Variants in JAKMIP3 observed in about 807,000 individuals in gnomAD.
The protein encoded by JAKMIP3 is janus kinase and microtubule-interacting protein 3.
Under a neutral mutation model 118.5 loss-of-function variants are expected in JAKMIP3, and 58 were observed. The observed-to-expected ratio is 0.49, with a 90% CI of 0.40 to 0.61. The LOEUF is 0.61. Ranked by LOEUF, JAKMIP3 falls within the 20% of genes least tolerant of loss-of-function variation. The pLI, the probability that JAKMIP3 is intolerant of heterozygous loss-of-function variation, is 0.00. For missense variants in JAKMIP3, 950 were observed against 1,109.0 expected (o/e 0.86, Z 2.04); for synonymous variants, 486 against 451.2 (o/e 1.08, Z -0.98).
chr10:132,058,335 G>A (rs1049428348), intron 1 of JAKMIP3, among the ~76,000 whole-genome samples: 1 of 152,246 alleles, frequency 6.6e-6, no homozygotes, highest in African/African-American at 2.4e-5. Context: ...AGCCCCTGCT[G>A]CAGCCCAAAT....
At chr10:132,171,128 G>T (rs1017199767) in intron 23 of JAKMIP3, among the ~76,000 whole-genome samples, 1 of 152,246 alleles carries the variant, frequency 6.6e-6, no homozygotes. Flanking sequence ...AGGCTCCCTT[G>T]GGGGAGGTTA....
chr10:132,180,484 C>T (rs951872675), intron 23 of JAKMIP3, among the ~76,000 whole-genome samples: 2 of 10,674 alleles, frequency 1.9e-4, no homozygotes, highest in Non-Finnish European at 3.8e-4. Context: ...TGGGGTAGGG[C>T]GGGAGGGATT....
intron 19 of JAKMIP3, among the ~76,000 whole-genome samples, chr10:132,158,423 G>A (rs2057351107): frequency 6.6e-6 from 1 of 152,216 alleles, no homozygotes; most frequent in African/African-American, 2.4e-5. Flanking sequence ...GAAGATCAAA[G>A]CCCAGCTTCA....
chr10:132,128,335 T>C (rs1028266906), intron 3 of JAKMIP3, among the ~76,000 whole-genome samples: 1 of 152,236 alleles, frequency 6.6e-6, no homozygotes, highest in African/African-American at 2.4e-5. Flanking sequence ...TTTAAGATAT[T>C]CTCTTTAACT....
At chr10:132,045,536 G>C (rs931890233) in intron 1 of JAKMIP3, among the ~76,000 whole-genome samples, 11 of 152,120 alleles carry the variant, frequency 7.2e-5, no homozygotes, top group Non-Finnish European at 1.3e-4. Flanking sequence ...GAGAGCCCGC[G>C]GTGTGAGCTG....
chr10:132,136,972 G>C, intron 6 of JAKMIP3, 47 bp from the exon 7 acceptor site: 1 of 1,596,556 alleles, frequency 6.3e-7, no homozygotes, highest in Non-Finnish European at 8.5e-7. Flanking sequence ...TGTTCAGCCA[G>C]ACCCCTTCAC....
At position 132,153,038 on chromosome 10, in the gene JAKMIP3, G is replaced by T; in HGVS notation, c.2073+15G>T. 1 of 1,600,166 alleles carries T rather than the reference G, an allele frequency of 6.2e-7. No individual in the cohort carries two copies. The highest frequency in any genetic ancestry group is 1.7e-5 in the Admixed American group (1 of 58,526). ...TGGCCGAAAAGGTAACAGCAGCTGT[G>T]TGGACAGTCGGGAGAGGGCCGGGCT... On this transcript the variant is annotated intron_variant, in intron 17 of 23. Coordinates refer to ENST00000684848, the MANE Select transcript of JAKMIP3 (RefSeq NM_001323087.2).
chr10:132,173,045 CT>C (rs1565005458), intron 23 of JAKMIP3, among the ~76,000 whole-genome samples: 1 of 4,220 alleles, frequency 2.4e-4, no homozygotes, highest in African/African-American at 1.1e-3. Context: ...CTCTCTCTCC[CT>C]CTCTCTCTCC....
intron 1 of JAKMIP3, among the ~76,000 whole-genome samples, chr10:132,050,845 A>G (rs983940275): frequency 1.3e-5 from 2 of 152,386 alleles, no homozygotes; most frequent in African/African-American, 4.8e-5. Context: ...AACATCTGGC[A>G]TGGTTGGTCT....
At chr10:132,174,004 T>C (rs534082579) in intron 23 of JAKMIP3, among the ~76,000 whole-genome samples, 75 of 150,932 alleles carry the variant, frequency 5.0e-4, no homozygotes, top group African/African-American at 1.7e-3. Context: ...TCTGTGGTAG[T>C]GTGTGGTGTG....
chr10:132,178,390 T>C (rs1270379830), intron 23 of JAKMIP3, among the ~76,000 whole-genome samples: 1 of 152,218 alleles, frequency 6.6e-6, no homozygotes, highest in East Asian at 1.9e-4. Flanking sequence ...AGCCTGTGTC[T>C]GGGTAAGGTC....
Position 132,118,189 on chromosome 10 carries a change from A to C in JAKMIP3, c.633+615A>C, listed in dbSNP as rs994070605. Reference sequence around the variant, plus strand: ...GATGAGCTGCCGGTTTTGTGGATCAATGAGGTCTAACGTTGGCATCTGGTG... The same window carrying C: ...GATGAGCTGCCGGTTTTGTGGATCACTGAGGTCTAACGTTGGCATCTGGTG... On this transcript the variant is annotated intron_variant, in intron 3 of 23. Coordinates refer to ENST00000684848, the MANE Select transcript of JAKMIP3 (RefSeq NM_001323087.2). This position sits in a 1 kb window ranked among gnomAD's most constrained non-coding sequence, Gnocchi z 4.8. 2.6e-5 allele frequency among the ~76,000 whole-genome samples: 4 copies of C among 152,136 alleles called. No homozygotes were observed. The highest frequency in any genetic ancestry group is 5.9e-5 in the Non-Finnish European group (4 of 68,030).
intron 1 of JAKMIP3, among the ~76,000 whole-genome samples, chr10:132,040,620 T>G (rs9419318): frequency 0.13 from 19,173 of 150,584 alleles, 1,279 homozygotes; most frequent in Middle Eastern, 0.15. Context: ...TTTACAATTG[T>G]GAACCACTCC....
intron 23 of JAKMIP3, chr10:132,170,253 G>A (rs1380730172): frequency 6.6e-6 from 1 of 152,326 alleles, no homozygotes; most frequent in Non-Finnish European, 1.5e-5. Flanking sequence ...GCAGCCAGAG[G>A]TCGGGAGCTC....
chr10:132,127,500 C>G (rs1564930954), intron 3 of JAKMIP3, among the ~76,000 whole-genome samples: 3 of 152,128 alleles, frequency 2.0e-5, no homozygotes, highest in Admixed American at 6.5e-5. Flanking sequence ...GTTGATCCAC[C>G]CGCCTCAGCC....
intron 2 of JAKMIP3, among the ~76,000 whole-genome samples, chr10:132,109,572 G>C (rs2046531845): frequency 6.6e-6 from 1 of 152,182 alleles, no homozygotes; most frequent in Non-Finnish European, 1.5e-5. Context: ...TGAGACCTCA[G>C]CTCATTGCAC....
At chr10:132,139,349 TGA>T (rs1379161697) in intron 9 of JAKMIP3, among the ~76,000 whole-genome samples, 4 of 148,322 alleles carry the variant, frequency 2.7e-5, no homozygotes, top group South Asian at 4.3e-4. Flanking sequence ...TGTGTACATG[TGA>T]GTGTATATGC....
chr10:132,089,042 G>T (rs969922753), intron 1 of JAKMIP3, among the ~76,000 whole-genome samples: 16 of 151,988 alleles, frequency 1.1e-4, no homozygotes, highest in Non-Finnish European at 4.4e-5. Flanking sequence ...ATTTCTGAGG[G>T]CTCTGTTCTG....
At chr10:132,045,718 C>G (rs1466239055) in intron 1 of JAKMIP3, among the ~76,000 whole-genome samples, 2 of 151,902 alleles carry the variant, frequency 1.3e-5, no homozygotes, top group Non-Finnish European at 2.9e-5. Flanking sequence ...CTCTTGAGCT[C>G]AGGAGTTCCA....
Sources: gnomAD v4.1 joint callset for allele counts (sites outside exome capture counted in the v4.1 genomes callset) on GRCh38, gnomAD v4.1.1 for gene constraint, Gnocchi (gnomAD v3.1) non-coding constraint, MANE v1.5 for transcripts, NCBI Gene and HGNC (gene_info 2026-07-23, HGNC 2026-07-21) for gene names.